PCGF5: variants seen among roughly 807,000 people sequenced by gnomAD.
The protein encoded by PCGF5 is polycomb group ring finger 5.
In PCGF5, 9 loss-of-function variants were observed where a neutral mutation model predicts 44.3. The ratio of observed to expected loss-of-function variants is 0.20; its 90% CI spans 0.12 to 0.35. The LOEUF is 0.35. Among genes scored for constraint, PCGF5 ranks in the 10% least tolerant of loss-of-function variants. The pLI is 1.00. For synonymous variants in PCGF5, 95 were observed against 102.5 expected (o/e 0.93, Z 0.44); for missense variants, 146 against 305.3 (o/e 0.48, Z 3.89).
Position 91,251,407 on chromosome 10 carries a change from A to C in PCGF5, c.441A>C (p.Arg147=), listed in dbSNP as rs747871281. The stretch of plus-strand genomic sequence containing the variant: ...TTGCTATCTGTCTAGATTGTTTACG[A>C]AATAATGGGCAATCAGGGGACAATG... The part of the protein sequence containing the change: ...PQIAICLDCL[R]NNGQSGDNVV... Residue 147 remains arginine, a synonymous_variant, in exon 6 of 10, where the codon CGA becomes CGC. Transcript: ENST00000336126. The C allele has an allele frequency of 6.2e-7, 1 of 1,611,332 alleles. No individual in the cohort carries two copies. Among genetic ancestry groups the C allele is most frequent in the Non-Finnish European group, 8.5e-7 (1 of 1,178,260 alleles).
At chr10:91,246,314 T>C (rs1300496639) in intron 3 of PCGF5, among the ~76,000 whole-genome samples, 1 of 152,132 alleles carries the variant, frequency 6.6e-6, no homozygotes, top group African/African-American at 2.4e-5. Flanking sequence ...GTAGCATTGG[T>C]TTGGTCGGAG....
chr10:91,199,311 G>A (rs942134676), intron 1 of PCGF5, among the ~76,000 whole-genome samples: 10 of 152,218 alleles, frequency 6.6e-5, no homozygotes, highest in African/African-American at 1.7e-4. Flanking sequence ...AGGGTGGGAA[G>A]GCAGCAAGGG....
intron 3 of PCGF5, 146 bp from the exon 4 acceptor site, chr10:91,248,359 C>A: frequency 1.4e-6 from 1 of 738,476 alleles, no homozygotes. Flanking sequence ...TAAGTGTGTT[C>A]CATGGACAGA....
At position 91,232,741 on chromosome 10, in the gene PCGF5, G is replaced by C. The variant is rs1259284991; in HGVS notation, c.113-7743G>C. 3.3e-5 allele frequency among the ~76,000 whole-genome samples: 5 copies of C among 151,642 alleles called. No homozygotes were observed. In the East Asian group the frequency reaches 7.7e-4, roughly 23 times the overall value. On this transcript the variant is annotated intron_variant, in intron 2 of 9. Transcript: ENST00000336126. The stretch of plus-strand genomic sequence containing the variant: ...GGTGGTAAAAGTTCTCTTTGTTTCA[G>C]TTATTTTATTGCCTTTTGTTTTCAG...
chr10:91,273,123 A>G (rs1415412837), intron 9 of PCGF5, among the ~76,000 whole-genome samples: 1 of 152,242 alleles, frequency 6.6e-6, no homozygotes, highest in Non-Finnish European at 1.5e-5. Flanking sequence ...CTTTTCAGCA[A>G]TCTAGTAAGT....
At chr10:91,213,256 G>T (rs1394683596) in intron 1 of PCGF5, among the ~76,000 whole-genome samples, 1 of 152,130 alleles carries the variant, frequency 6.6e-6, no homozygotes, top group Non-Finnish European at 1.5e-5. Context: ...TCAAAAGTAT[G>T]ACTAATATTT....
At chr10:91,253,529 C>T (rs527929352) in intron 6 of PCGF5, among the ~76,000 whole-genome samples, 9 of 152,154 alleles carry the variant, frequency 5.9e-5, no homozygotes, top group Admixed American at 3.3e-4. Context: ...ATACTTTCAT[C>T]TAACTTTGGT....
intron 2 of PCGF5, among the ~76,000 whole-genome samples, chr10:91,239,032 T>C (rs1179961586): frequency 6.6e-6 from 1 of 152,100 alleles, no homozygotes; most frequent in Non-Finnish European, 1.5e-5. Flanking sequence ...TGCTCAAATG[T>C]CACCAACTTA....
intron 1 of PCGF5, among the ~76,000 whole-genome samples, chr10:91,211,151 A>G (rs1410809275): frequency 6.6e-6 from 1 of 152,214 alleles, no homozygotes; most frequent in African/African-American, 2.4e-5. Context: ...TAAATTCCTC[A>G]TTAGATTTCC....
At chr10:91,181,660 T>G (rs1484590290) in intron 1 of PCGF5, among the ~76,000 whole-genome samples, 1 of 152,226 alleles carries the variant, frequency 6.6e-6, no homozygotes, top group African/African-American at 2.4e-5. Flanking sequence ...GTTTATGTGA[T>G]AAATTACACT....
chr10:91,202,760 G>C (rs569843539), intron 1 of PCGF5, among the ~76,000 whole-genome samples: 1 of 152,126 alleles, frequency 6.6e-6, no homozygotes, highest in Non-Finnish European at 1.5e-5. Context: ...GGGGCAAGGG[G>C]TAGTTAGGCG....
chr10:91,179,769 T>C (rs59837538), intron 1 of PCGF5, among the ~76,000 whole-genome samples: 8,503 of 152,304 alleles, frequency 0.056, 719 homozygotes, highest in African/African-American at 0.19. Flanking sequence ...TTTAGTTTGA[T>C]TCCATGTCTT....
the PCGF5 span, among the ~76,000 whole-genome samples, chr10:91,156,236 G>A: frequency 1.1e-4 from 16 of 152,210 alleles, no homozygotes; most frequent in South Asian, 2.9e-3. Context: ...CACATACAAG[G>A]CAGAAATATA....
At chr10:91,249,650 T>A (rs1486907676) in intron 5 of PCGF5, among the ~76,000 whole-genome samples, 2 of 151,764 alleles carry the variant, frequency 1.3e-5, no homozygotes, top group Non-Finnish European at 2.9e-5. Flanking sequence ...ATCTCCCTTT[T>A]TTAATCTGTA....
chr10:91,163,404 CCCGCCGCGGGAGCAGCGGCT>C (rs1396811249), intron 1 of PCGF5, among the ~76,000 whole-genome samples: 1 of 151,718 alleles, frequency 6.6e-6, no homozygotes, highest in African/African-American at 2.4e-5. Flanking sequence ...TGGCCGCGGC[CCCGCCGCGGGAGCAGCGGCT>C]CCCTGGCTGG....
intron 2 of PCGF5, among the ~76,000 whole-genome samples, chr10:91,233,051 T>G (rs1377604885): frequency 6.6e-6 from 1 of 152,150 alleles, no homozygotes; most frequent in African/African-American, 2.4e-5. Flanking sequence ...AGAGTTTAGT[T>G]GAGCAAGTAT....
At chr10:91,199,015 A>T (rs1371995905) in intron 1 of PCGF5, among the ~76,000 whole-genome samples, 2 of 151,812 alleles carry the variant, frequency 1.3e-5, no homozygotes, top group African/African-American at 4.8e-5. Flanking sequence ...TTATGTATTT[A>T]TTGTTTTTGT....
intron 2 of PCGF5, among the ~76,000 whole-genome samples, chr10:91,231,267 G>A (rs1043655941): frequency 6.6e-6 from 1 of 152,120 alleles, no homozygotes; most frequent in Non-Finnish European, 1.5e-5. Context: ...GGGCACTTGA[G>A]ACTCATCAAA....
intron 1 of PCGF5, among the ~76,000 whole-genome samples, chr10:91,175,935 G>T (rs1010699362): frequency 6.6e-6 from 1 of 152,170 alleles, no homozygotes; most frequent in Non-Finnish European, 1.5e-5. Flanking sequence ...TGTTATGTGT[G>T]AATTTGATCC....
Sources: gnomAD v4.1 joint callset for allele counts (sites outside exome capture counted in the v4.1 genomes callset) on GRCh38, gnomAD v4.1.1 for gene constraint, MANE v1.5 for transcripts, NCBI Gene and HGNC (gene_info 2026-07-23, HGNC 2026-07-21) for gene names.